LIMA1: variants seen among roughly 807,000 people sequenced by gnomAD.
LIMA1 encodes LIM domain and actin binding 1.
In LIMA1, 52 loss-of-function variants were observed where a neutral mutation model predicts 62.6. That is an observed-to-expected ratio of 0.83 (90% CI 0.67 to 1.05). LIMA1 has a LOEUF of 1.05. Among genes scored for constraint, LIMA1 ranks in the 50% least tolerant of loss-of-function variants. The pLI is 0.00. For synonymous variants in LIMA1, 302 were observed against 317.8 expected (o/e 0.95, Z 0.53); for missense variants, 780 against 902.2 (o/e 0.86, Z 1.74).
At chr12:50,226,821 G>C (rs1021763143) in intron 3 of LIMA1, among the ~76,000 whole-genome samples, 2 of 144,606 alleles carry the variant, frequency 1.4e-5, no homozygotes, top group African/African-American at 5.2e-5. Flanking sequence ...CCTGGCGAAA[G>C]AGCAAGATTC....
chr12:50,255,450 C>G (rs1941982323), intron 1 of LIMA1, among the ~76,000 whole-genome samples: 1 of 149,862 alleles, frequency 6.7e-6, no homozygotes, highest in East Asian at 2.0e-4. Context: ...CCCAGCTACT[C>G]AAGAGGCTGA....
intron 2 of LIMA1, among the ~76,000 whole-genome samples, chr12:50,234,908 G>A (rs1284573014): frequency 6.6e-6 from 1 of 152,016 alleles, no homozygotes; most frequent in Non-Finnish European, 1.5e-5. Flanking sequence ...CTACCGGGGA[G>A]GCTGAGATAG....
chr12:50,181,873 TAGACAGATG>T, intron 10 of LIMA1, 22 bp downstream of exon 10: 1 of 1,613,736 alleles, frequency 6.2e-7, no homozygotes, highest in East Asian at 2.2e-5. Flanking sequence ...GTTCCAGTTA[TAGACAGATG>T]GCTTGTTTTG....
intron 10 of LIMA1, among the ~76,000 whole-genome samples, chr12:50,179,910 G>A (rs1159726823): frequency 1.3e-5 from 2 of 151,528 alleles, no homozygotes; most frequent in Non-Finnish European, 2.9e-5. Context: ...GCCAGGTGCA[G>A]TCCCAGCACT....
intron 4 of LIMA1, among the ~76,000 whole-genome samples, chr12:50,212,064 C>T (rs960384845): frequency 1.3e-5 from 2 of 152,234 alleles, no homozygotes; most frequent in South Asian, 2.1e-4. Flanking sequence ...ATAAATCAAA[C>T]GCACCAAGAT....
At chr12:50,279,951 G>C (rs1942318613) in intron 1 of LIMA1, among the ~76,000 whole-genome samples, 1 of 152,062 alleles carries the variant, frequency 6.6e-6, no homozygotes, top group African/African-American at 2.4e-5. Flanking sequence ...CTAATTTATG[G>C]GTAATGAAAC....
At chr12:50,263,608 A>G (rs1201433519) in intron 1 of LIMA1, among the ~76,000 whole-genome samples, 4 of 152,024 alleles carry the variant, frequency 2.6e-5, no homozygotes, top group Non-Finnish European at 5.9e-5. Context: ...AATATTTCTT[A>G]TTGTGGGGTA....
At chr12:50,215,793 A>C (rs1941334879) in intron 4 of LIMA1, among the ~76,000 whole-genome samples, 1 of 152,082 alleles carries the variant, frequency 6.6e-6, no homozygotes, top group Non-Finnish European at 1.5e-5. Context: ...TTATAATATA[A>C]AATCCCAGCA....
chr12:50,196,019 C>T (rs181196616), intron 7 of LIMA1, 132 bp from the exon 8 acceptor site: 93 of 856,260 alleles, frequency 1.1e-4, no homozygotes, highest in South Asian at 2.8e-4. Flanking sequence ...GGGGAAATAA[C>T]GGGCACCAGA....
intron 1 of LIMA1, among the ~76,000 whole-genome samples, chr12:50,279,208 G>A (rs924145102): frequency 6.6e-6 from 1 of 151,034 alleles, no homozygotes; most frequent in Admixed American, 6.6e-5. Context: ...GTTTCACTAT[G>A]TTGGCCAGGC....
chr12:50,234,988 G>T (rs961278374), intron 2 of LIMA1, among the ~76,000 whole-genome samples: 1 of 152,070 alleles, frequency 6.6e-6, no homozygotes, highest in African/African-American at 2.4e-5. Flanking sequence ...TCTAGCCTGA[G>T]CTACAGAGTA....
chr12:50,222,800 A>C (rs1404732851), intron 3 of LIMA1: 1 of 773,248 alleles, frequency 1.3e-6, no homozygotes, highest in East Asian at 5.7e-5. Context: ...ATTTTTACCC[A>C]AAGATTAATG....
intron 1 of LIMA1, among the ~76,000 whole-genome samples, chr12:50,271,201 T>C (rs2138697784): frequency 6.6e-6 from 1 of 151,912 alleles, no homozygotes; most frequent in Non-Finnish European, 1.5e-5. Flanking sequence ...AGCCCAGGAG[T>C]TTGAGGCTGC....
chr12:50,248,707 T>G lies in LIMA1; in HGVS notation c.45A>C (p.Ser15=). The G allele has an allele frequency of 1.9e-6, 3 of 1,613,542 alleles. No homozygotes were observed. The highest frequency in any genetic ancestry group is 2.5e-6 in the Non-Finnish European group (3 of 1,179,434). The part of the protein sequence containing the change: ...PFNRRQWTSL[S]LRVTAKELSL... ...AAAGTTCTTTGGCTGTTACCCTCAA[T>G]GATAGTGAGGTCCATTGCCGTCTAT... Residue 15 remains serine, a synonymous_variant, in exon 2 of 11, where the codon TCA becomes TCC. Transcript: ENST00000341247.
At position 50,222,312 on chromosome 12, in the gene LIMA1, A is replaced by G; in HGVS notation, c.339T>C (p.Ala113=). Residue 113 remains alanine (A), a synonymous_variant, in exon 4 of 11, where the codon GCT becomes GCC. Transcript: ENST00000341247. ...HPPAEVTSHA[A]SGAKADQEEQ... ...CTTCTTGGTCAGCTTTGGCTCCAGA[A>G]GCAGCGTGGCTTGTCACTTCAGCAG... The G allele has an allele frequency of 1.2e-6, 2 of 1,614,146 alleles. No individual in the cohort carries two copies. Among genetic ancestry groups the G allele is most frequent in the South Asian group, 1.1e-5 (1 of 91,072 alleles).
At chr12:50,185,505 G>A (rs1940610741) in intron 9 of LIMA1, 1 of 455,950 alleles carries the variant, frequency 2.2e-6, no homozygotes, top group South Asian at 1.5e-5. Context: ...GTGCCCTGGA[G>A]AGCTTTACTG....
Position 50,177,747 on chromosome 12 carries a change from G to A in LIMA1, c.1597C>T (p.Pro533Ser), listed in dbSNP as rs1454737579. The change falls in exon 11 of 11, where the codon CCA (proline) becomes TCA (serine). Residue 533 changes from proline to serine, a missense_variant. Transcript: ENST00000341247. ...AETKKLRIAWPPPTELGSSGS... is the reference protein window; with the variant it reads ...AETKKLRIAWSPPTELGSSGS... ...GAACTTCCAAGTTCAGTGGGGGGTGGCCAGGCGATCCTCAGCTTCTTGGTT... is the reference window on the plus strand; with the variant it reads ...GAACTTCCAAGTTCAGTGGGGGGTGACCAGGCGATCCTCAGCTTCTTGGTT... The A allele has an allele frequency of 1.9e-6, 3 of 1,613,940 alleles. No homozygotes were observed. Among genetic ancestry groups the A allele is most frequent in the Non-Finnish European group, 2.5e-6 (3 of 1,179,996 alleles).
intron 2 of LIMA1, 36 bp downstream of exon 2, chr12:50,248,597 G>A: frequency 2.3e-6 from 3 of 1,310,040 alleles, no homozygotes; most frequent in Non-Finnish European, 2.2e-6. Flanking sequence ...GTGTGCTCCA[G>A]ACAGATGGTC....
chr12:50,201,508 C>T, intron 6 of LIMA1: 1 of 984,230 alleles, frequency 1.0e-6, no homozygotes, highest in Non-Finnish European at 1.2e-6. Context: ...AAAGAACATG[C>T]ATTTTATTGT....
Sources: allele counts gnomAD v4.1 joint callset (sites outside exome capture counted in the v4.1 genomes callset), GRCh38; gene constraint gnomAD v4.1.1; transcripts MANE v1.5; gene names NCBI Gene and HGNC (gene_info 2026-07-23, HGNC 2026-07-21).